Variants in PAXBP1 observed in about 807,000 individuals in gnomAD.
PAXBP1 encodes the protein PAX3 and PAX7 binding protein 1.
In PAXBP1, 44 loss-of-function variants were observed where a neutral mutation model predicts 119.9. The observed-to-expected ratio is 0.37, with a 90% CI of 0.29 to 0.47. PAXBP1 has a LOEUF of 0.47. PAXBP1 is among the 20% of genes least tolerant of loss of function. The pLI is 0.99. For missense variants in PAXBP1, 898 were observed against 1,134.1 expected, an observed-to-expected ratio of 0.79 and a Z score of 2.99; for synonymous variants, 393 against 406.6, an observed-to-expected ratio of 0.97 and a Z score of 0.40.
chr21:32,735,315 A>G (rs2043677923), intron 17 of PAXBP1, among the ~76,000 whole-genome samples: 1 of 152,232 alleles, frequency 6.6e-6, no homozygotes, highest in African/African-American at 2.4e-5. Context: ...TAAAAAAGCA[A>G]AACAAAATTC....
chr21:32,771,203 T>C, intron 1 of PAXBP1, 123 bp downstream of exon 1: 4 of 927,444 alleles, frequency 4.3e-6, no homozygotes, highest in Non-Finnish European at 6.0e-6. Flanking sequence ...TCGCAGCCGG[T>C]CGGACGGCAG....
intron 8 of PAXBP1, among the ~76,000 whole-genome samples, chr21:32,755,021 C>G (rs1163115854): frequency 6.6e-6 from 1 of 151,830 alleles, no homozygotes. Context: ...AATCTTAGCA[C>G]GTTTTTGAGC....
intron 2 of PAXBP1, among the ~76,000 whole-genome samples, chr21:32,766,535 C>T (rs1481463302): frequency 1.3e-5 from 2 of 152,186 alleles, no homozygotes; most frequent in African/African-American, 4.8e-5. Flanking sequence ...ATCAAAAGAG[C>T]TTTCCCACTT....
At chr21:32,766,622 C>T (rs2044245758) in intron 2 of PAXBP1, among the ~76,000 whole-genome samples, 1 of 152,114 alleles carries the variant, frequency 6.6e-6, no homozygotes. Flanking sequence ...GACCTGCTGC[C>T]CTCTACTTCC....
chr21:32,744,502 T>C (rs780689747), intron 13 of PAXBP1, among the ~76,000 whole-genome samples: 1 of 151,946 alleles, frequency 6.6e-6, no homozygotes, highest in Non-Finnish European at 1.5e-5. Context: ...GACTGAGGTG[T>C]GGTGGTGAGA....
At position 32,745,721 on chromosome 21, in the gene PAXBP1, A is replaced by G. The variant is rs2043861770; in HGVS notation, c.1924-3T>C. The G allele has an allele frequency of 6.2e-7, 1 of 1,613,804 alleles. No individual in the cohort carries two copies. The highest frequency in any genetic ancestry group is 2.2e-5 in the East Asian group (1 of 44,870). On this transcript the variant is annotated splice_region_variant and splice_polypyrimidine_tract_variant and intron_variant, in intron 11 of 17. Coordinates refer to ENST00000331923, the MANE Select transcript of PAXBP1 (RefSeq NM_016631.4). ...TTCTCAAAGTCACGACATTTTGCCT[A>G]AAAGACATTTAAAAGGTTACCCAAA...
At chr21:32,753,006 C>A (rs1056895853) in intron 8 of PAXBP1, among the ~76,000 whole-genome samples, 1 of 151,932 alleles carries the variant, frequency 6.6e-6, no homozygotes, top group Admixed American at 6.6e-5. Context: ...GAGGTATGTT[C>A]CTGAGTGCAT....
At position 32,760,902 on chromosome 21, in the gene PAXBP1, C is replaced by CGTGTGTGT. The variant is rs1175775718; in HGVS notation, c.975+149_975+156dup. The stretch of plus-strand genomic sequence containing the variant: ...CTACGTGTCTCTGTGTGCGTGCGTG[C>CGTGTGTGT]GTGTGTGTGTGTGTGTGTGTGTGTG... On this transcript the variant is annotated intron_variant, in intron 5 of 17. Coordinates refer to ENST00000331923, the MANE Select transcript of PAXBP1 (RefSeq NM_016631.4). 3.0e-3 allele frequency among the ~76,000 whole-genome samples: 389 copies of CGTGTGTGT among 127,782 alleles called. 2 individuals carry two copies. Among genetic ancestry groups the CGTGTGTGT allele is most frequent in the African/African-American group, 5.6e-3 (194 of 34,452 alleles). 83.8% of individuals were successfully genotyped at this position (127,782 alleles called of 152,430 possible). A position where few individuals can be genotyped will look rare whatever the true frequency, so the allele number is the denominator to read the frequency against.
intron 17 of PAXBP1, among the ~76,000 whole-genome samples, chr21:32,736,883 T>C (rs1027107580): frequency 6.6e-5 from 10 of 152,180 alleles, no homozygotes; most frequent in Admixed American, 5.2e-4. Context: ...GTTCATAATA[T>C]TGATTAAAAC....
chr21:32,741,218 A>T (rs1013989597), intron 15 of PAXBP1, among the ~76,000 whole-genome samples: 2 of 152,216 alleles, frequency 1.3e-5, no homozygotes, highest in African/African-American at 4.8e-5. Context: ...GAACACCCTT[A>T]TAGAAGCTCT....
At chr21:32,737,474 G>A in intron 16 of PAXBP1, 66 bp from the exon 17 acceptor site, 1 of 1,390,876 alleles carries the variant, frequency 7.2e-7, no homozygotes, top group Non-Finnish European at 9.8e-7. Flanking sequence ...TAAAAGCAAA[G>A]TCTAGTTAAT....
intron 2 of PAXBP1, among the ~76,000 whole-genome samples, chr21:32,766,151 T>C (rs912723679): frequency 6.6e-6 from 1 of 152,038 alleles, no homozygotes; most frequent in East Asian, 1.9e-4. Context: ...AAAACAAATT[T>C]ACCCATGCTA....
chr21:32,734,312 T>C lies in PAXBP1; in HGVS notation c.*638A>G, dbSNP rs1036988338. On this transcript the variant is annotated 3_prime_UTR_variant, in exon 18 of 18. Coordinates refer to ENST00000331923, the MANE Select transcript of PAXBP1 (RefSeq NM_016631.4). ...AATTTCTATGTTCCATTTGAAACTA[T>C]GTTGCATATTCATTTAGCATTCACA... The C allele has an allele frequency of 2.0e-5, 3 of 152,786 alleles. No individual in the cohort carries two copies. The highest frequency in any genetic ancestry group is 7.2e-5 in the African/African-American group (3 of 41,466). 9.5% of individuals were successfully genotyped at this position (152,786 alleles called of 1,614,324 possible).
Position 32,737,294 on chromosome 21 carries a change from T to C in PAXBP1, c.2596A>G (p.Asn866Asp). Reference sequence around the variant, plus strand: ...TCCACATCAGAACACCCGATACTATTTCTATAAATTGTATCCGCTAAGTGT... The same window carrying C: ...TCCACATCAGAACACCCGATACTATCTCTATAAATTGTATCCGCTAAGTGT... ...LVHLADTIYR[N>D]SIGCSDVEKR... The change falls in exon 17 of 18, where the codon AAT (asparagine) becomes GAT (aspartate). Residue 866 changes from asparagine to aspartate, a missense_variant. Asn to Asp is a conservative substitution (Grantham distance 23). Transcript: ENST00000331923. 6.3e-7 allele frequency: 1 copy of C among 1,579,768 alleles called. No individual in the cohort carries two copies. Among genetic ancestry groups the C allele is most frequent in the East Asian group, 2.3e-5 (1 of 43,844 alleles).
At chr21:32,758,397 A>G (rs938452504) in intron 7 of PAXBP1, among the ~76,000 whole-genome samples, 5 of 152,100 alleles carry the variant, frequency 3.3e-5, no homozygotes, top group African/African-American at 1.2e-4. Context: ...CTTTTATCTT[A>G]AAGAAAAAAA....
intron 17 of PAXBP1, 64 bp from the exon 18 acceptor site, chr21:32,735,131 AT>A (rs2043675508): frequency 1.8e-6 from 2 of 1,096,568 alleles, no homozygotes; most frequent in Non-Finnish European, 2.7e-6. Flanking sequence ...TTTGCTACTG[AT>A]TTCATGGCTA....
chr21:32,756,254 C>A (rs1198962603), intron 7 of PAXBP1: 11 of 533,342 alleles, frequency 2.1e-5, no homozygotes, highest in Non-Finnish European at 3.8e-5. Context: ...ACTACACATA[C>A]CTGAGGAAAC....
chr21:32,737,972 T>C (rs1461003633), intron 16 of PAXBP1, among the ~76,000 whole-genome samples: 1 of 151,566 alleles, frequency 6.6e-6, no homozygotes, highest in African/African-American at 2.4e-5. Context: ...GATGGATATA[T>C]ATATATATAA....
At chr21:32,762,905 C>A (rs1456795292) in intron 3 of PAXBP1, among the ~76,000 whole-genome samples, 7 of 144,036 alleles carry the variant, frequency 4.9e-5, no homozygotes, top group Non-Finnish European at 9.1e-5. Context: ...GAGCACAACT[C>A]CGTCTCAAAA....
Sources: gnomAD v4.1 joint callset for allele counts (sites outside exome capture counted in the v4.1 genomes callset) on GRCh38, gnomAD v4.1.1 for gene constraint, MANE v1.5 for transcripts, NCBI Gene and HGNC (gene_info 2026-07-23, HGNC 2026-07-21) for gene names.